DST: variants seen among roughly 807,000 people sequenced by gnomAD.
DST encodes dystonin.
Under a neutral mutation model 875.2 loss-of-function variants are expected in DST, and 253 were observed. The ratio of observed to expected loss-of-function variants is 0.29; its 90% CI spans 0.26 to 0.32. The LOEUF (loss-of-function observed/expected upper bound fraction) is 0.32, where lower values mean the gene tolerates loss of function less well. Ranked by LOEUF, DST falls within the 10% of genes least tolerant of loss-of-function variation. DST has a pLI of 1.00. For synonymous variants in DST, 3,124 were observed against 3,197.1 expected, an observed-to-expected ratio of 0.98 and a Z score of 0.77; for missense variants, 8,287 against 9,111.6, an observed-to-expected ratio of 0.91 and a Z score of 3.68.
chr6:56,737,024 G>A (rs1331325044), intron 4 of DST, among the ~76,000 whole-genome samples: 1 of 150,734 alleles, frequency 6.6e-6, no homozygotes, highest in Non-Finnish European at 1.5e-5. Flanking sequence ...TGAAATCCGT[G>A]TTTACAAAAA....
intron 78 of DST, among the ~76,000 whole-genome samples, chr6:56,502,805 C>T (rs2096179636): frequency 6.6e-6 from 1 of 152,084 alleles, no homozygotes; most frequent in Non-Finnish European, 1.5e-5. Flanking sequence ...TTCTATGTCA[C>T]ACTTAGATAT....
chr6:56,818,881 G>A (rs1046437667), intron 4 of DST, among the ~76,000 whole-genome samples: 21 of 152,006 alleles, frequency 1.4e-4, no homozygotes, highest in Non-Finnish European at 2.8e-4. Flanking sequence ...TGCTTTTTCC[G>A]AATTGCTGAA....
chr6:56,929,480 AG>A (rs1592615165), intron 2 of DST, among the ~76,000 whole-genome samples: 1 of 152,172 alleles, frequency 6.6e-6, no homozygotes, highest in African/African-American at 2.4e-5. Context: ...CCATATAAAA[AG>A]GGTAAAATAA....
Position 56,640,365 on chromosome 6 carries a change from G to T in DST, c.2268C>A (p.Ser756=), listed in dbSNP as rs1054499790. 6.2e-6 allele frequency: 10 copies of T among 1,614,026 alleles called. No homozygotes were observed. The highest frequency in any genetic ancestry group is 7.6e-6 in the Non-Finnish European group (9 of 1,180,028). ...MTSGLSSGMT[S]RLTPSVTPAY... is the part of the protein sequence containing the mutation. The stretch of plus-strand genomic sequence containing the variant: ...CTGGAGTGACAGATGGAGTCAGGCG[G>T]GAAGTCATCCCTGATGACAGGCCAG... The change falls in exon 18 of 104, where the codon TCC becomes TCA. Residue 756 remains serine, a synonymous_variant. Transcript: ENST00000680361.
intron 5 of DST, among the ~76,000 whole-genome samples, chr6:56,730,547 C>A (rs1297465745): frequency 2.0e-5 from 3 of 152,022 alleles, no homozygotes; most frequent in African/African-American, 7.3e-5. Context: ...GTAGAAGAGG[C>A]AGAAATAAAT....
At chr6:56,616,836 C>T in intron 36 of DST, 1 of 1,614,134 alleles carries the variant, frequency 6.2e-7, no homozygotes, top group African/African-American at 1.3e-5. Context: ...GCCTTCTCTG[C>T]CTCAAGAAGC....
rs768456792 is a variant in DST at position 56,463,738 on chromosome 6, G to A, written c.22786C>T (p.Arg7596Cys). 11 of 1,613,838 alleles carry A rather than the reference G, an allele frequency of 6.8e-6. No individual in the cohort carries two copies. The highest frequency in any genetic ancestry group is 1.7e-5 in the Admixed American group (1 of 59,988). Reference protein sequence around the residue: ...IAKGRTNMELREKFILADGAS... With the variant: ...IAKGRTNMELCEKFILADGAS... ...CCATCTGCTAAAATGAACTTCTCACGCAGTTCCATGTTTGTCCTTCCTTTG... is the reference window on the plus strand; with the variant it reads ...CCATCTGCTAAAATGAACTTCTCACACAGTTCCATGTTTGTCCTTCCTTTG... Residue 7596 changes from arginine (R) to cysteine (C), a missense_variant, in exon 101 of 104, where the codon CGT becomes TGT. By Grantham distance (180) the Arg-to-Cys change is radical. This residue lies in a region of DST where 64 missense variants were observed against 86.2 expected (regional missense o/e 0.74). Coordinates refer to ENST00000680361, the MANE Select transcript of DST (RefSeq NM_001374736.1).
chr6:56,502,018 A>T (rs1254244634), intron 78 of DST, among the ~76,000 whole-genome samples: 1 of 152,192 alleles, frequency 6.6e-6, no homozygotes, highest in Non-Finnish European at 1.5e-5. Context: ...AATGAGTTTT[A>T]AAATTATACA....
chr6:56,581,742 G>T (rs1018682428), intron 49 of DST, among the ~76,000 whole-genome samples: 5 of 152,192 alleles, frequency 3.3e-5, no homozygotes, highest in African/African-American at 1.2e-4. Context: ...ATGTCCAGTT[G>T]TAGATGTGAA....
chr6:56,657,918 A>G (rs1212219070), intron 10 of DST, among the ~76,000 whole-genome samples: 2 of 150,830 alleles, frequency 1.3e-5, no homozygotes, highest in Non-Finnish European at 2.9e-5. Context: ...GGCACCTACC[A>G]CCATGCCCAG....
At chr6:56,584,546 C>T (rs1421765005) in intron 49 of DST, among the ~76,000 whole-genome samples, 1 of 150,702 alleles carries the variant, frequency 6.6e-6, no homozygotes, top group Non-Finnish European at 1.5e-5. Flanking sequence ...CAAACAGGGA[C>T]AATTTGACTT....
rs2096128482 is a variant in DST, at chr6:56,501,646, C to T, written c.19614G>A (p.Leu6538=). 1 of 1,608,580 alleles carries T rather than the reference C, an allele frequency of 6.2e-7. No homozygotes were observed. The highest frequency in any genetic ancestry group is 1.3e-5 in the African/African-American group (1 of 74,630). ...AYQQQIEMER[L]NHQAELLLKK... is the part of the protein sequence containing the mutation. Reference sequence around the variant, plus strand: ...TTAGCAAAAGCTCTGCTTGATGATTCAGTCTTTCCATTTCTATCTGCTGTT... The same window carrying T: ...TTAGCAAAAGCTCTGCTTGATGATTTAGTCTTTCCATTTCTATCTGCTGTT... Residue 6538 remains leucine, a synonymous_variant, in exon 79 of 104, where the codon CTG becomes CTA. Transcript: ENST00000680361.
chr6:56,884,429 A>T (rs888383219), intron 3 of DST, among the ~76,000 whole-genome samples: 8 of 152,320 alleles, frequency 5.3e-5, no homozygotes, highest in Middle Eastern at 3.4e-3. Context: ...CTATAATTAG[A>T]ACTAGCAGTT....
At chr6:56,627,634 A>C (rs2098746155) in intron 33 of DST, among the ~76,000 whole-genome samples, 3 of 152,182 alleles carry the variant, frequency 2.0e-5, no homozygotes, top group Admixed American at 2.0e-4. Flanking sequence ...CTTTCTGTCA[A>C]ATGTGGTATT....
In DST at chr6:56,954,815, G is replaced by C. The variant is rs1824369917; in HGVS notation, c.-228C>G. On this transcript the variant is annotated 5_prime_UTR_variant, in exon 1 of 104. Coordinates refer to ENST00000680361, the MANE Select transcript of DST (RefSeq NM_001374736.1). ...CGCTTGCCATGACTCAGCAGACAGC[G>C]ACGAGGCTGCGACTCGGCGGCTGGG... 6.7e-6 allele frequency among the ~76,000 whole-genome samples: 1 copy of C among 149,734 alleles called. No homozygotes were observed. The highest frequency in any genetic ancestry group is 1.5e-5 in the Non-Finnish European group (1 of 66,996).
intron 10 of DST, among the ~76,000 whole-genome samples, chr6:56,655,160 C>CAA (rs11365303): frequency 0.027 from 1,495 of 56,040 alleles, 28 homozygotes; most frequent in African/African-American, 0.056. Flanking sequence ...GACTTTGCCT[C>CAA]AAAAAAAAAA....
rs2098535618 is a variant in DST, at chr6:56,610,469, T to C, written c.5241A>G (p.Leu1747=). 3.2e-6 allele frequency: 5 copies of C among 1,568,682 alleles called. No individual in the cohort carries two copies. The highest frequency in any genetic ancestry group is 1.2e-5 in the South Asian group (1 of 84,966). Residue 1747 remains leucine (L), a synonymous_variant, in exon 39 of 104, where the codon CTA becomes CTG. Coordinates refer to ENST00000680361, the MANE Select transcript of DST (RefSeq NM_001374736.1). ...NLLFSESLKQ[L]QESQTSGDVK... ...CATCTCCTGAGGTTTGTGATTCTTG[T>C]AGCTGTTTCAGAGATTCACTGAATA... is the stretch of plus-strand genomic sequence containing the variant.
chr6:56,872,829 C>G (rs1389327047), intron 3 of DST, among the ~76,000 whole-genome samples: 2 of 137,838 alleles, frequency 1.5e-5, no homozygotes, highest in African/African-American at 5.4e-5. Context: ...GATTCCCCCC[C>G]CCCTTTTTTT....
intron 15 of DST, among the ~76,000 whole-genome samples, chr6:56,643,194 C>T (rs1007291655): frequency 1.6e-4 from 24 of 152,256 alleles, no homozygotes; most frequent in African/African-American, 5.8e-4. Flanking sequence ...TCTGGCAATA[C>T]CAATCATTAG....
Sources: gnomAD v4.1 joint callset for allele counts (sites outside exome capture counted in the v4.1 genomes callset) on GRCh38, gnomAD v4.1.1 for gene constraint, gnomAD v4.1.1 regional missense constraint, MANE v1.5 for transcripts, NCBI Gene and HGNC (gene_info 2026-07-23, HGNC 2026-07-21) for gene names.